SNORC: variants seen among roughly 807,000 people sequenced by gnomAD.
SNORC encodes protein SNORC.
In SNORC, 11 loss-of-function variants were observed where a neutral mutation model predicts 9.7. The observed-to-expected ratio is 1.14, with a 90% confidence interval of 0.72 to 1.88. SNORC has a LOEUF of 1.88. Ranked by LOEUF, SNORC falls within the 40% of genes most tolerant of loss-of-function variation. The pLI, the probability that SNORC is intolerant of heterozygous loss-of-function variation, is 0.00. For missense variants in SNORC, 197 were observed against 173.1 expected (o/e 1.14, Z -0.77); for synonymous variants, 108 against 88.7 (o/e 1.22, Z -1.22).
intron 1 of SNORC, among the ~76,000 whole-genome samples, chr2:232,871,258 G>A (rs941997754): frequency 6.6e-6 from 1 of 152,164 alleles, no homozygotes; most frequent in Non-Finnish European, 1.5e-5. Flanking sequence ...GCTTCTGGGG[G>A]ACGACAGGCC....
At chr2:232,872,687 C>G (rs1009687970) in intron 1 of SNORC, among the ~76,000 whole-genome samples, 2 of 152,174 alleles carry the variant, frequency 1.3e-5, no homozygotes, top group African/African-American at 4.8e-5. Flanking sequence ...CCGTGAGTTC[C>G]GTCCTCCACA....
At chr2:232,873,908 A>C (rs1691121058) in intron 1 of SNORC, among the ~76,000 whole-genome samples, 1 of 152,174 alleles carries the variant, frequency 6.6e-6, no homozygotes, top group South Asian at 2.1e-4. Context: ...GCCCCTCGGG[A>C]GGGAAGCCTC....
At chr2:232,868,824 A>C (rs960582599), upstream of SNORC, among the ~76,000 whole-genome samples, 4 of 152,186 alleles carry the variant, frequency 2.6e-5, no homozygotes, top group Non-Finnish European at 5.9e-5. Flanking sequence ...TTCACTAAGC[A>C]CACCCCTGTC....
At chr2:232,872,142 G>A (rs1691050706) in intron 1 of SNORC, among the ~76,000 whole-genome samples, 1 of 144,770 alleles carries the variant, frequency 6.9e-6, no homozygotes, top group Non-Finnish European at 1.5e-5. Context: ...CCACCCCTGG[G>A]CTGGGAGCTC....
chr2:232,877,370 C>T (rs568558842), downstream of SNORC: 1 of 985,170 alleles, frequency 1.0e-6, no homozygotes, highest in Non-Finnish European at 1.2e-6. Context: ...AAACTTTGAT[C>T]CTTTGATCAT....
exon 2 of SNORC, chr2:232,875,960 G>A (rs377340430): frequency 1.3e-6 from 2 of 1,553,998 alleles, no homozygotes; most frequent in Non-Finnish European, 1.7e-6. Context: ...ACAGGAGCCC[G>A]TGCCCACGCT....
chr2:232,870,588 T>C (rs1434612903), intron 1 of SNORC, among the ~76,000 whole-genome samples, 174 bp downstream of exon 1: 1 of 152,144 alleles, frequency 6.6e-6, no homozygotes, highest in Non-Finnish European at 1.5e-5. Context: ...AGCAGCTGTG[T>C]GGGATGGACG....
chr2:232,876,407 C>T, downstream of SNORC: 1 of 1,487,380 alleles, frequency 6.7e-7, no homozygotes, highest in Non-Finnish European at 8.9e-7. The surrounding 1 kb of genome is among the most constrained non-coding windows in gnomAD (Gnocchi z 6.8). Context: ...CTGCACTCCT[C>T]ACGCGCCTGT....
Position 232,876,279 on chromosome 2 carries a change from G to A in SNORC, c.289G>A (p.Val97Met). 6.5e-7 allele frequency: 1 copy of A among 1,527,542 alleles called. No individual in the cohort carries two copies. 94.6% of individuals were successfully genotyped at this position (1,527,542 alleles called of 1,614,324 possible). ...GGGGCCCGGCGCTATCGCGGCCATC[G>A]TGATCGCCGCCCTGCTGGCCACCTG... The change falls in exon 3 of 3, where the codon GTG becomes ATG. Residue 97 changes from valine (V) to methionine (M), a missense_variant. By Grantham distance (21) the Val-to-Met change is conservative. Coordinates refer to ENST00000331342, the Ensembl canonical transcript of SNORC. This position sits in a 1 kb window ranked among gnomAD's most constrained non-coding sequence, Gnocchi z 6.8.
chr2:232,874,488 C>T (rs771976052), intron 1 of SNORC, among the ~76,000 whole-genome samples: 8 of 152,226 alleles, frequency 5.3e-5, no homozygotes, highest in Non-Finnish European at 1.2e-4. Context: ...TGGAACCTTT[C>T]GGCCTTTCTT....
upstream of SNORC, chr2:232,870,183 G>A (rs865799275): frequency 8.7e-5 from 58 of 663,692 alleles, 1 homozygote; most frequent in Admixed American, 4.3e-4. Flanking sequence ...TGGGGGGAGC[G>A]GGGGGGTGGG....
chr2:232,875,877 G>C (rs1691209801), intron 1 of SNORC, 63 bp from the exon 2 acceptor site: 11 of 1,475,692 alleles, frequency 7.5e-6, no homozygotes, highest in African/African-American at 1.4e-5. Context: ...ACCTAGAGGT[G>C]GGGGGTGACG....
At chr2:232,872,237 G>A (rs751438314) in intron 1 of SNORC, among the ~76,000 whole-genome samples, 1 of 152,178 alleles carries the variant, frequency 6.6e-6, no homozygotes, top group East Asian at 1.9e-4. Context: ...TGTGGGCTGA[G>A]GCCCAGGCCC....
At chr2:232,876,416 G>C, downstream of SNORC, 1 of 1,465,740 alleles carries the variant, frequency 6.8e-7, no homozygotes, top group Non-Finnish European at 8.9e-7. The surrounding 1 kb of genome is among the most constrained non-coding windows in gnomAD (Gnocchi z 6.8). Flanking sequence ...TCACGCGCCT[G>C]TATGTCCGCG....
downstream of SNORC, chr2:232,878,555 C>CCTTCCTCTCTGGAAACCGCCTTGAACT (rs1691365856): frequency 6.6e-6 from 1 of 152,436 alleles, no homozygotes; most frequent in Admixed American, 6.5e-5. Flanking sequence ...CCTGGCTGTT[C>CCTTCCTCTCTGGAAACCGCCTTGAACT]CTTCCTCTCT....
chr2:232,872,322 G>T (rs11887382), intron 1 of SNORC, among the ~76,000 whole-genome samples: 4,527 of 152,280 alleles, frequency 0.03, 224 homozygotes, highest in African/African-American at 0.1. Flanking sequence ...CGGGCTGAGC[G>T]GGCAGGAGGC....
downstream of SNORC, chr2:232,877,276 C>T (rs951807049): frequency 5.1e-6 from 5 of 985,368 alleles, no homozygotes; most frequent in Non-Finnish European, 6.0e-6. Context: ...CTCTACTCAC[C>T]TCACTTCACC....
chr2:232,870,063 G>A (rs575785017), upstream of SNORC, among the ~76,000 whole-genome samples: 1 of 151,958 alleles, frequency 6.6e-6, no homozygotes, highest in Non-Finnish European at 1.5e-5. Context: ...TTGCGGGGTG[G>A]AGAAAGAGAG....
chr2:232,876,502 G>A (rs1415740608), downstream of SNORC: 5 of 1,290,654 alleles, frequency 3.9e-6, no homozygotes. The surrounding 1 kb of genome is among the most constrained non-coding windows in gnomAD (Gnocchi z 6.8). Context: ...GGTGCGCGCG[G>A]GGCCGAGGGT....
Sources: gnomAD v4.1 joint callset for allele counts (sites outside exome capture counted in the v4.1 genomes callset) on GRCh38, gnomAD v4.1.1 for gene constraint, Gnocchi (gnomAD v3.1) non-coding constraint, MANE v1.5 for transcripts, NCBI Gene and HGNC (gene_info 2026-07-23, HGNC 2026-07-21) for gene names.